The following PARD3B variants were observed in gnomAD, a reference collection of about 807,000 sequenced individuals.
PARD3B encodes partitioning defective 3 homolog B.
PARD3B carries 103 observed loss-of-function variants against 130.2 expected under a neutral mutation model. The observed-to-expected ratio is 0.79, with a 90% CI of 0.67 to 0.93. PARD3B has a LOEUF of 0.93. Ranked by LOEUF, PARD3B falls within the 40% of genes least tolerant of loss-of-function variation. The probability of loss-of-function intolerance (pLI) is 0.00; values close to 1 mark genes in which losing one functional copy is unlikely to be tolerated. For missense variants in PARD3B, 1,609 were observed against 1,499.2 expected (o/e 1.07, Z -1.21); for synonymous variants, 583 against 553.2 (o/e 1.05, Z -0.76).
intron 16 of PARD3B, among the ~76,000 whole-genome samples, chr2:205,296,701 A>G (rs1156288784): frequency 7.1e-6 from 1 of 140,272 alleles, no homozygotes; most frequent in Non-Finnish European, 1.5e-5. Flanking sequence ...GTGTGTGTTC[A>G]TTCTTTTCAT....
intron 22 of PARD3B, among the ~76,000 whole-genome samples, chr2:205,601,689 A>G (rs2054791407): frequency 6.6e-6 from 1 of 152,208 alleles, no homozygotes; most frequent in East Asian, 1.9e-4. Flanking sequence ...GGTATAAGGA[A>G]GGGGTCCAGT....
At chr2:205,571,661 A>C (rs2053565630) in intron 22 of PARD3B, among the ~76,000 whole-genome samples, 1 of 152,202 alleles carries the variant, frequency 6.6e-6, no homozygotes, top group Non-Finnish European at 1.5e-5. Context: ...CTTACTAATA[A>C]AAGTCACTTG....
intron 1 of PARD3B, among the ~76,000 whole-genome samples, chr2:204,581,851 G>C (rs866207943): frequency 1.8e-4 from 27 of 152,272 alleles, no homozygotes; most frequent in Non-Finnish European, 3.5e-4. Flanking sequence ...CTAATGTGGG[G>C]TTGGACCCAC....
rs377087889 is a variant in PARD3B, at chr2:204,883,607, C to T, written c.223-81545C>T. Among the ~76,000 whole-genome samples the T allele has an allele frequency of 3.5e-4, 52 of 150,720 alleles. No individual in the cohort carries two copies. In the South Asian group the frequency reaches 5.7e-3, roughly 16 times the overall value. On this transcript the variant is annotated intron_variant, in intron 2 of 22. Coordinates refer to ENST00000406610, the MANE Select transcript of PARD3B (RefSeq NM_001302769.2). ...GGACTACAGGTGTCCGCCACCACGC[C>T]CAGCTAATTTTTATTTTTAGTAGAG...
chr2:204,849,607 A>G (rs964524730), intron 2 of PARD3B, among the ~76,000 whole-genome samples: 1 of 152,222 alleles, frequency 6.6e-6, no homozygotes, highest in African/African-American at 2.4e-5. Context: ...ATAATCTTTA[A>G]AAGACTGCAT....
At chr2:205,361,918 A>G (rs375917641) in intron 18 of PARD3B, among the ~76,000 whole-genome samples, 7 of 152,076 alleles carry the variant, frequency 4.6e-5, no homozygotes, top group African/African-American at 1.2e-4. Flanking sequence ...CAATCTTCTT[A>G]TATCTTAAAT....
intron 16 of PARD3B, among the ~76,000 whole-genome samples, chr2:205,279,390 T>G (rs2041102116): frequency 6.6e-6 from 1 of 152,222 alleles, no homozygotes; most frequent in South Asian, 2.1e-4. Context: ...ATTGGAGGAC[T>G]CGTCCTATTC....
Position 205,072,635 on chromosome 2 carries a change from T to C in PARD3B, c.504+24945T>C, listed in dbSNP as rs116253181. 4.5e-3 allele frequency among the ~76,000 whole-genome samples: 679 copies of C among 152,306 alleles called. 4 individuals carry two copies. Among genetic ancestry groups the C allele is most frequent in the African/African-American group, 0.015 (624 of 41,572 alleles). On this transcript the variant is annotated intron_variant, in intron 4 of 22. Coordinates refer to ENST00000406610, the MANE Select transcript of PARD3B (RefSeq NM_001302769.2). ...TATGGTACAGTATAATCTGGATATT[T>C]TAAGGTCTAAATAACATTTTCTTGG... is the stretch of plus-strand genomic sequence containing the variant.
intron 2 of PARD3B, among the ~76,000 whole-genome samples, chr2:204,754,740 A>G (rs1394035215): frequency 6.6e-6 from 1 of 152,212 alleles, no homozygotes; most frequent in African/African-American, 2.4e-5. Flanking sequence ...CACAAGTTTT[A>G]GAAGTCACAT....
chr2:204,976,783 T>A (rs1221399911), intron 3 of PARD3B, among the ~76,000 whole-genome samples: 1 of 151,534 alleles, frequency 6.6e-6, no homozygotes, highest in African/African-American at 2.4e-5. Flanking sequence ...ATTTTCGTAT[T>A]TTTTTTAGTA....
intron 1 of PARD3B, among the ~76,000 whole-genome samples, chr2:204,575,767 CTT>C (rs1440887970): frequency 1.3e-5 from 2 of 152,172 alleles, no homozygotes; most frequent in Non-Finnish European, 2.9e-5. Context: ...TGATTTAACA[CTT>C]TATTTACCTG....
At chr2:205,052,419 GTATATA>G (rs869192541) in intron 4 of PARD3B, among the ~76,000 whole-genome samples, 16 of 39,770 alleles carry the variant, frequency 4.0e-4, no homozygotes, top group East Asian at 2.9e-3. Context: ...ATATATATAT[GTATATA>G]TATATATATA....
intron 1 of PARD3B, among the ~76,000 whole-genome samples, chr2:204,631,166 T>C (rs2034665540): frequency 6.6e-6 from 1 of 152,092 alleles, no homozygotes; most frequent in Non-Finnish European, 1.5e-5. Context: ...TTCTCATTAG[T>C]TTCAAAAAAT....
intron 2 of PARD3B, among the ~76,000 whole-genome samples, chr2:204,750,335 C>A (rs573830116): frequency 2.0e-5 from 3 of 152,278 alleles, no homozygotes; most frequent in Admixed American, 2.0e-4. Context: ...GTAATCCCAG[C>A]ACTTTGGGAG....
At position 205,291,651 on chromosome 2, in the gene PARD3B, C is replaced by G. The variant is rs1215781660; in HGVS notation, c.2186-8879C>G. Reference sequence around the variant, plus strand: ...GATAGTTTGTTTGAACCCATAGGCACAGCCTGGCTTTTTCTGACTGCTTAT... The same window carrying G: ...GATAGTTTGTTTGAACCCATAGGCAGAGCCTGGCTTTTTCTGACTGCTTAT... On this transcript the variant is annotated intron_variant, in intron 16 of 22. Coordinates refer to ENST00000406610, the MANE Select transcript of PARD3B (RefSeq NM_001302769.2). The surrounding 1 kb of genome is among the most constrained non-coding windows in gnomAD (Gnocchi z 4.6). Among the ~76,000 whole-genome samples, 1 of 152,188 alleles carries G rather than the reference C, an allele frequency of 6.6e-6. No homozygotes were observed. Among genetic ancestry groups the G allele is most frequent in the Non-Finnish European group, 1.5e-5 (1 of 68,032 alleles).
At chr2:204,633,058 C>T (rs950376408) in intron 1 of PARD3B, among the ~76,000 whole-genome samples, 1 of 152,060 alleles carries the variant, frequency 6.6e-6, no homozygotes, top group African/African-American at 2.4e-5. Context: ...TTGGATAGTT[C>T]TCCAAAATAC....
At chr2:205,099,333 A>G (rs1413791618) in intron 4 of PARD3B, among the ~76,000 whole-genome samples, 3 of 152,206 alleles carry the variant, frequency 2.0e-5, no homozygotes, top group Non-Finnish European at 2.9e-5. Flanking sequence ...ATAAAGCTGA[A>G]GAAATATGGT....
chr2:205,158,621 C>T lies in PARD3B; in HGVS notation c.1435-101C>T. ...CGATTACAGCTGTGAGAGGTCCAGTCATCCTGTCCTACTGATTGCATCTGT... is the reference window on the plus strand; with the variant it reads ...CGATTACAGCTGTGAGAGGTCCAGTTATCCTGTCCTACTGATTGCATCTGT... On this transcript the variant is annotated intron_variant, in intron 10 of 22. Coordinates refer to ENST00000406610, the MANE Select transcript of PARD3B (RefSeq NM_001302769.2). The surrounding 1 kb of genome is among the most constrained non-coding windows in gnomAD (Gnocchi z 5.4). The T allele has an allele frequency of 8.2e-7, 1 of 1,215,210 alleles. No individual in the cohort carries two copies. The highest frequency in any genetic ancestry group is 1.2e-6 in the Non-Finnish European group (1 of 863,378). The allele number at this position is 1,215,210 out of a possible 1,614,324, so 75.3% of individuals were successfully genotyped here.
rs984581258 is a variant in PARD3B at position 205,525,600 on chromosome 2, T to C, written c.3180+25569T>C. ...CTTTATTAGCTCCTAGACTGAGGTC[T>C]ATTGTGCGGATGCTAATCTAATAAC... On this transcript the variant is annotated intron_variant, in intron 21 of 22. Transcript: ENST00000406610. The surrounding 1 kb of genome is among the most constrained non-coding windows in gnomAD (Gnocchi z 4.2). Among the ~76,000 whole-genome samples, 1 of 152,220 alleles carries C rather than the reference T, an allele frequency of 6.6e-6. No homozygotes were observed. Among genetic ancestry groups the C allele is most frequent in the African/African-American group, 2.4e-5 (1 of 41,456 alleles).
Sources: gnomAD v4.1 joint callset for allele counts (sites outside exome capture counted in the v4.1 genomes callset) on GRCh38, gnomAD v4.1.1 for gene constraint, Gnocchi (gnomAD v3.1) non-coding constraint, MANE v1.5 for transcripts, NCBI Gene and HGNC (gene_info 2026-07-23, HGNC 2026-07-21) for gene names.